TAFA2: variants seen among roughly 807,000 people sequenced by gnomAD.
TAFA2 encodes chemokine-like protein TAFA-2.
Under a neutral mutation model 18.8 loss-of-function variants are expected in TAFA2, and 7 were observed. That is an observed-to-expected ratio of 0.37 (90% confidence interval 0.21 to 0.70). The LOEUF (loss-of-function observed/expected upper bound fraction) is 0.70, where lower values mean the gene tolerates loss of function less well. Ranked by LOEUF, TAFA2 falls within the 30% of genes least tolerant of loss-of-function variation. The probability of loss-of-function intolerance (pLI) is 0.53; values close to 1 mark genes in which losing one functional copy is unlikely to be tolerated. For missense variants in TAFA2, 122 were observed against 158.1 expected, an observed-to-expected ratio of 0.77 and a Z score of 1.23; for synonymous variants, 60 against 54.2, an observed-to-expected ratio of 1.11 and a Z score of -0.47.
chr12:61,779,598 T>G (rs997848796), intron 2 of TAFA2, among the ~76,000 whole-genome samples: 1 of 151,862 alleles, frequency 6.6e-6, no homozygotes, highest in African/African-American at 2.4e-5. Flanking sequence ...CCCAGGTTTT[T>G]GAACATGTGC....
At chr12:62,195,375 T>A (rs57961204), upstream of TAFA2, among the ~76,000 whole-genome samples, 1,490 of 152,356 alleles carry the variant, frequency 9.8e-3, 21 homozygotes, top group African/African-American at 0.029. Flanking sequence ...GCAACTCTTC[T>A]AGCATCTAGA....
At chr12:61,832,012 A>G (rs1045231534) in intron 2 of TAFA2, among the ~76,000 whole-genome samples, 3 of 152,100 alleles carry the variant, frequency 2.0e-5, no homozygotes, top group African/African-American at 4.8e-5. Context: ...AAATTTACCA[A>G]TTATGGCAAC....
chr12:62,220,905 A>C (rs2062757691), intron 1 of TAFA2, among the ~76,000 whole-genome samples: 1 of 152,050 alleles, frequency 6.6e-6, no homozygotes, highest in South Asian at 2.1e-4. Context: ...TCAGGAGTCG[A>C]GACCATCCTC....
intron 1 of TAFA2, among the ~76,000 whole-genome samples, chr12:62,107,626 G>T (rs1351475553): frequency 6.6e-6 from 1 of 152,114 alleles, no homozygotes; most frequent in Non-Finnish European, 1.5e-5. Context: ...AGAAGATCTG[G>T]AAGAATAATT....
At chr12:62,125,885 G>A (rs1307469549) in intron 1 of TAFA2, among the ~76,000 whole-genome samples, 1 of 151,960 alleles carries the variant, frequency 6.6e-6, no homozygotes, top group Non-Finnish European at 1.5e-5. Context: ...TACTCATAGG[G>A]TTGTTTATTG....
At chr12:61,962,472 T>G (rs1335653380) in intron 1 of TAFA2, among the ~76,000 whole-genome samples, 9 of 151,982 alleles carry the variant, frequency 5.9e-5, no homozygotes, top group Non-Finnish European at 1.3e-4. Context: ...GGTTTTTGCT[T>G]AAGCTTTTGT....
intron 4 of TAFA2, among the ~76,000 whole-genome samples, chr12:61,721,304 C>T (rs753574630): frequency 1.4e-4 from 22 of 152,082 alleles, no homozygotes; most frequent in African/African-American, 5.1e-4. Context: ...GTCATCTAAG[C>T]GCAAAGTGTA....
At chr12:62,108,753 T>C (rs536493219) in intron 1 of TAFA2, among the ~76,000 whole-genome samples, 50 of 152,250 alleles carry the variant, frequency 3.3e-4, no homozygotes, top group African/African-American at 1.2e-3. Flanking sequence ...GTGAGTTTTT[T>C]TACATATGTT....
At position 62,220,324 on chromosome 12, in the gene TAFA2, T is replaced by A. The variant is rs939266091; in HGVS notation, c.-130+38439A>T. 5.3e-5 allele frequency among the ~76,000 whole-genome samples: 8 copies of A among 152,074 alleles called. No individual in the cohort carries two copies. In the South Asian group the frequency reaches 1.2e-3, roughly 24 times the overall value. Reference sequence around the variant, plus strand: ...TATAAAAAACAAGACAAAAAATTTTTAAAAATATCTAAAACAATAATGAGA... The same window carrying A: ...TATAAAAAACAAGACAAAAAATTTTAAAAAATATCTAAAACAATAATGAGA... On this transcript the variant is annotated intron_variant, in intron 1 of 5. Coordinates refer to the TAFA2 transcript ENST00000551619.
chr12:61,955,618 AAAAAAAAAAAAAAAATATATATATAT>A (rs1475246160), intron 1 of TAFA2, among the ~76,000 whole-genome samples: 6 of 28,128 alleles, frequency 2.1e-4, no homozygotes, highest in African/African-American at 4.3e-4. Context: ...AAAAAAAAAA[AAAAAAAAAAAAAAAATATATATATAT>A]ATATATATAT....
intron 2 of TAFA2, 54 bp downstream of exon 2, chr12:61,867,266 G>A: frequency 8.9e-7 from 1 of 1,117,336 alleles, no homozygotes; most frequent in Non-Finnish European, 1.3e-6. Flanking sequence ...AACAGTCTGT[G>A]TTAAGGGTAG....
intron 1 of TAFA2, among the ~76,000 whole-genome samples, chr12:61,969,536 G>C (rs1879174206): frequency 6.6e-6 from 1 of 151,602 alleles, no homozygotes. Flanking sequence ...TTGTGTAAGA[G>C]GGCAATGCAT....
chr12:61,720,678 T>C (rs187252052), intron 4 of TAFA2: 145 of 348,778 alleles, frequency 4.2e-4, no homozygotes, highest in Non-Finnish European at 6.6e-4. Context: ...GTTAGCACCA[T>C]GTACACACCT....
At chr12:61,800,735 T>C (rs986606421) in intron 2 of TAFA2, among the ~76,000 whole-genome samples, 7 of 152,096 alleles carry the variant, frequency 4.6e-5, no homozygotes, top group African/African-American at 9.6e-5. Flanking sequence ...GAGAAGGAGA[T>C]AGGTAGGCAA....
rs1873674719 is a variant in TAFA2 at position 61,851,817 on chromosome 12, AAC to A, written c.106+15501_106+15502del. On this transcript the variant is annotated intron_variant, in intron 2 of 4. Coordinates refer to ENST00000416284, the MANE Select transcript of TAFA2 (RefSeq NM_178539.5). ...AAAAAAAAAAAAAAAAAAAAAAAAAAACATGTTCTAAGTAGAGAAATAAAATT... is the reference window on the plus strand; with the variant it reads ...AAAAAAAAAAAAAAAAAAAAAAAAAAATGTTCTAAGTAGAGAAATAAAATT... Among the ~76,000 whole-genome samples, 5 of 120,026 alleles carry A rather than the reference AAC, an allele frequency of 4.2e-5. No individual in the cohort carries two copies. In the South Asian group the frequency reaches 7.8e-4, roughly 19 times the overall value. 78.7% of individuals were successfully genotyped at this position (120,026 alleles called of 152,430 possible).
At chr12:62,218,120 C>CA (rs2062744433) in intron 1 of TAFA2, among the ~76,000 whole-genome samples, 1 of 151,866 alleles carries the variant, frequency 6.6e-6, no homozygotes, top group Admixed American at 6.6e-5. Flanking sequence ...TTCAGTCTCC[C>CA]AAGTAGCTGG....
chr12:62,200,573 A>G (rs1219081841), intron 1 of TAFA2, among the ~76,000 whole-genome samples: 1 of 151,958 alleles, frequency 6.6e-6, no homozygotes. Flanking sequence ...TAGATATGCA[A>G]TCTTATTTCT....
chr12:61,822,280 G>A (rs190678217), intron 2 of TAFA2, among the ~76,000 whole-genome samples: 5 of 152,088 alleles, frequency 3.3e-5, no homozygotes, highest in South Asian at 2.1e-4. Flanking sequence ...CCTGAGCACC[G>A]CAGGTTCAAA....
At chr12:62,090,296 T>C (rs867574135) in intron 1 of TAFA2, among the ~76,000 whole-genome samples, 1 of 152,082 alleles carries the variant, frequency 6.6e-6, no homozygotes, top group Non-Finnish European at 1.5e-5. Flanking sequence ...ATGAGCTATA[T>C]AGGAAATTTG....
Sources: allele counts gnomAD v4.1 joint callset (sites outside exome capture counted in the v4.1 genomes callset), GRCh38; gene constraint gnomAD v4.1.1; transcripts MANE v1.5; gene names NCBI Gene and HGNC (gene_info 2026-07-23, HGNC 2026-07-21).